DISC1: variants seen among roughly 807,000 people sequenced by gnomAD.
The protein encoded by DISC1 is DISC1 scaffold protein.
A neutral mutation model predicts 84.5 loss-of-function variants in DISC1; 57 were observed. That is an observed-to-expected ratio of 0.67 (90% confidence interval 0.55 to 0.84). DISC1 has a LOEUF of 0.84. DISC1 is among the 40% of genes least tolerant of loss of function. The pLI, the probability that DISC1 is intolerant of heterozygous loss-of-function variation, is 0.00. For synonymous variants in DISC1, 411 were observed against 415.2 expected, an observed-to-expected ratio of 0.99 and a Z score of 0.12; for missense variants, 1,000 against 1,057.8, an observed-to-expected ratio of 0.95 and a Z score of 0.76.
chr1:231,923,649 G>A (rs567018860), intron 9 of DISC1, among the ~76,000 whole-genome samples: 10 of 152,328 alleles, frequency 6.6e-5, no homozygotes, highest in Admixed American at 2.0e-4. Context: ...CCTGCACAAG[G>A]CACGCTGACG....
intron 1 of DISC1, among the ~76,000 whole-genome samples, chr1:231,635,019 G>C (rs2125120180): frequency 6.6e-6 from 1 of 152,192 alleles, no homozygotes; most frequent in East Asian, 1.9e-4. Flanking sequence ...GTATTCTTAG[G>C]CCTTAGAGCT....
chr1:231,904,202 G>A (rs2126034342), intron 9 of DISC1, among the ~76,000 whole-genome samples: 1 of 152,316 alleles, frequency 6.6e-6, no homozygotes, highest in South Asian at 2.1e-4. Context: ...TGGCAGCCCA[G>A]AAATTATTTT....
intron 9 of DISC1, among the ~76,000 whole-genome samples, chr1:231,837,330 C>T (rs1463239711): frequency 2.0e-5 from 3 of 152,108 alleles, no homozygotes; most frequent in African/African-American, 7.2e-5. Context: ...CACTTGTATG[C>T]AAATTCAAGG....
At chr1:231,713,384 TAAAAG>T (rs1331729536) in intron 3 of DISC1, among the ~76,000 whole-genome samples, 1 of 151,922 alleles carries the variant, frequency 6.6e-6, no homozygotes, top group East Asian at 1.9e-4. Flanking sequence ...TCCGAAGAAC[TAAAAG>T]AAAACATGGA....
At chr1:231,680,182 C>T (rs142670055) in intron 1 of DISC1, among the ~76,000 whole-genome samples, 3 of 152,022 alleles carry the variant, frequency 2.0e-5, no homozygotes, top group Non-Finnish European at 4.4e-5. Flanking sequence ...GAGCCGAGAT[C>T]GTGCCACTGC....
At chr1:231,639,643 C>A (rs2059471839) in intron 1 of DISC1, among the ~76,000 whole-genome samples, 1 of 152,188 alleles carries the variant, frequency 6.6e-6, no homozygotes, top group Non-Finnish European at 1.5e-5. Flanking sequence ...TGCATAAGTC[C>A]TCTAGTGTCT....
At chr1:231,994,862 C>G (rs843979) in intron 10 of DISC1, among the ~76,000 whole-genome samples, 65,554 of 152,010 alleles carry the variant, frequency 0.43, 16,084 homozygotes, top group African/African-American at 0.68. Context: ...TTCTAACTAA[C>G]AATCCAGGGA....
At chr1:231,766,067 A>G (rs2076148668) in intron 4 of DISC1, among the ~76,000 whole-genome samples, 1 of 152,036 alleles carries the variant, frequency 6.6e-6, no homozygotes, top group Admixed American at 6.6e-5. Context: ...AGGAGGGAGG[A>G]TCACTTGAGG....
At chr1:232,026,404 A>C (rs1669469742) in intron 11 of DISC1, 31 bp from the exon 12 acceptor site, 12 of 1,483,996 alleles carry the variant, frequency 8.1e-6, no homozygotes, top group Non-Finnish European at 1.1e-5. Flanking sequence ...CACGGCACTA[A>C]CAAGTGATCT....
intron 1 of DISC1, among the ~76,000 whole-genome samples, chr1:231,668,943 GC>G (rs2062294137): frequency 6.6e-6 from 1 of 152,134 alleles, no homozygotes; most frequent in Admixed American, 6.5e-5. Context: ...TGTCCTTTCA[GC>G]CTTCCCTTCT....
At chr1:231,671,847 C>T (rs1006340780) in intron 1 of DISC1, among the ~76,000 whole-genome samples, 1 of 152,172 alleles carries the variant, frequency 6.6e-6, no homozygotes, top group Admixed American at 6.5e-5. Context: ...TTAGTAATAG[C>T]ACTGCTATGA....
chr1:231,713,260 C>T (rs751598736), intron 3 of DISC1, among the ~76,000 whole-genome samples: 5 of 152,000 alleles, frequency 3.3e-5, no homozygotes, highest in Admixed American at 2.6e-4. Context: ...ACAAAGGAAA[C>T]GAGAACACAT....
chr1:231,681,001 AC>A (rs1473309624), intron 1 of DISC1, among the ~76,000 whole-genome samples: 2 of 152,336 alleles, frequency 1.3e-5, no homozygotes, highest in Non-Finnish European at 2.9e-5. Context: ...TTTTGAAATA[AC>A]AGCTACACAG....
At chr1:231,892,145 C>A (rs1316110672) in intron 9 of DISC1, among the ~76,000 whole-genome samples, 1 of 152,142 alleles carries the variant, frequency 6.6e-6, no homozygotes, top group Non-Finnish European at 1.5e-5. Flanking sequence ...TATTGACACA[C>A]CTGGGAATGG....
chr1:232,031,137 G>GA lies in DISC1; in HGVS notation c.2425+4585_2425+4586insA, dbSNP rs1669979912. Among the ~76,000 whole-genome samples, 1 of 146,980 alleles carries GA rather than the reference G, an allele frequency of 6.8e-6. No individual in the cohort carries two copies. The highest frequency in any genetic ancestry group is 1.5e-5 in the Non-Finnish European group (1 of 67,190). On this transcript the variant is annotated intron_variant, in intron 12 of 12. Coordinates refer to ENST00000439617, the MANE Select transcript of DISC1 (RefSeq NM_018662.3). This position sits in a 1 kb window ranked among gnomAD's most constrained non-coding sequence, Gnocchi z 4.6. ...AGGAGGGAGGGAAGGAAGGAAGGAA[G>GA]GAGGGAGAGAGGAGAGAGAGAGAGA...
chr1:231,652,684 A>G (rs2060734583), intron 1 of DISC1, among the ~76,000 whole-genome samples: 2 of 152,230 alleles, frequency 1.3e-5, no homozygotes, highest in Admixed American at 6.5e-5. Flanking sequence ...AAATGGGATT[A>G]TGTTGCATCT....
At chr1:231,722,990 C>T (rs2070060849) in intron 3 of DISC1, 4 of 1,152,422 alleles carry the variant, frequency 3.5e-6, no homozygotes, top group South Asian at 4.1e-5. Flanking sequence ...AATTAAACTT[C>T]GGAGGCCTTT....
At chr1:231,872,481 A>T (rs1293391512) in intron 9 of DISC1, among the ~76,000 whole-genome samples, 2 of 152,154 alleles carry the variant, frequency 1.3e-5, no homozygotes, top group East Asian at 1.9e-4. Flanking sequence ...TTGGCTGCAG[A>T]TGGAGTCACA....
chr1:231,628,161 G>A (rs533846796), intron 1 of DISC1, among the ~76,000 whole-genome samples: 1 of 152,312 alleles, frequency 6.6e-6, no homozygotes, highest in African/African-American at 2.4e-5. Context: ...AAAAACACAT[G>A]TAGTTCTCCT....
Sources: allele counts gnomAD v4.1 joint callset (sites outside exome capture counted in the v4.1 genomes callset), GRCh38; gene constraint gnomAD v4.1.1; non-coding constraint Gnocchi (gnomAD v3.1); transcripts MANE v1.5; gene names NCBI Gene and HGNC (gene_info 2026-07-23, HGNC 2026-07-21).